The following NFKBIZ variants were observed in gnomAD, a reference collection of about 807,000 sequenced individuals.
The protein encoded by NFKBIZ is NFKB inhibitor zeta, also known as NF-kappa-B inhibitor zeta.
Under a neutral mutation model 76.8 loss-of-function variants are expected in NFKBIZ, and 19 were observed. That is an observed-to-expected ratio of 0.25 (90% CI 0.17 to 0.36). NFKBIZ has a LOEUF of 0.36. Ranked by LOEUF, NFKBIZ falls within the 10% of genes least tolerant of loss-of-function variation. The probability of loss-of-function intolerance (pLI) is 1.00; values close to 1 mark genes in which losing one functional copy is unlikely to be tolerated. For synonymous variants in NFKBIZ, 368 were observed against 354.8 expected, an observed-to-expected ratio of 1.04 and a Z score of -0.42; for missense variants, 829 against 910.9, an observed-to-expected ratio of 0.91 and a Z score of 1.16.
intron 2 of NFKBIZ, among the ~76,000 whole-genome samples, chr3:101,840,630 G>A (rs1942774990): frequency 6.6e-6 from 1 of 152,174 alleles, no homozygotes; most frequent in Admixed American, 6.5e-5. Context: ...ATTTCTGCTG[G>A]GCTAGAAAGA....
At position 101,855,729 on chromosome 3, in the gene NFKBIZ, C is replaced by G; in HGVS notation, c.1655-4C>G. On this transcript the variant is annotated splice_region_variant and splice_polypyrimidine_tract_variant and intron_variant, in intron 8 of 11. Transcript: ENST00000326172. Reference sequence around the variant, plus strand: ...ACCACTGCTTGATTATACTTTTCTTCTAGGCCTGACTCCCCTTCACTGTGC... The same window carrying G: ...ACCACTGCTTGATTATACTTTTCTTGTAGGCCTGACTCCCCTTCACTGTGC... 1 of 1,582,646 alleles carries G rather than the reference C, an allele frequency of 6.3e-7. No homozygotes were observed. Among genetic ancestry groups the G allele is most frequent in the Non-Finnish European group, 8.6e-7 (1 of 1,167,556 alleles).
At chr3:101,848,270 T>C (rs1375000217), upstream of NFKBIZ, among the ~76,000 whole-genome samples, 1 of 152,234 alleles carries the variant, frequency 6.6e-6, no homozygotes, top group Non-Finnish European at 1.5e-5. Flanking sequence ...CAAGTTATCT[T>C]TTATATTTAA....
At chr3:101,838,930 A>G (rs1942756076) in intron 2 of NFKBIZ, among the ~76,000 whole-genome samples, 1 of 152,232 alleles carries the variant, frequency 6.6e-6, no homozygotes, top group Admixed American at 6.5e-5. Context: ...TGTTACATAC[A>G]TTAGAGATAA....
At chr3:101,840,430 G>A (rs1221236142) in intron 2 of NFKBIZ, among the ~76,000 whole-genome samples, 3 of 152,170 alleles carry the variant, frequency 2.0e-5, no homozygotes, top group African/African-American at 7.2e-5. Context: ...ATTAGAAAGT[G>A]TGGTACACAG....
intron 2 of NFKBIZ, among the ~76,000 whole-genome samples, chr3:101,835,577 C>T (rs553307113): frequency 4.8e-4 from 73 of 152,308 alleles, no homozygotes; most frequent in African/African-American, 1.6e-3. Flanking sequence ...CTTCTCACTA[C>T]GTCCTCACAT....
chr3:101,845,835 T>C (rs1388339877), upstream of NFKBIZ, among the ~76,000 whole-genome samples: 1 of 152,234 alleles, frequency 6.6e-6, no homozygotes. Flanking sequence ...GTCACAGAAC[T>C]CTCTGATGTA....
chr3:101,852,641 T>TA (rs1942984526), intron 2 of NFKBIZ, 97 bp from the exon 3 acceptor site: 6 of 766,272 alleles, frequency 7.8e-6, no homozygotes, highest in Non-Finnish European at 1.3e-5. Context: ...AGATTTATGG[T>TA]AAGCTATAAA....
intron 2 of NFKBIZ, among the ~76,000 whole-genome samples, chr3:101,833,804 T>G (rs1158371864): frequency 6.6e-6 from 1 of 152,186 alleles, no homozygotes; most frequent in Admixed American, 6.5e-5. Flanking sequence ...AGAAAGGGAT[T>G]GTTAAACCCA....
chr3:101,839,734 A>G (rs1023338808), intron 2 of NFKBIZ, among the ~76,000 whole-genome samples: 2 of 152,192 alleles, frequency 1.3e-5, no homozygotes, highest in Non-Finnish European at 2.9e-5. Flanking sequence ...AAATTCAACT[A>G]TAAAATATTC....
At chr3:101,854,795 A>G (rs1943024957) in intron 6 of NFKBIZ, 112 bp downstream of exon 6, 2 of 811,018 alleles carry the variant, frequency 2.5e-6, no homozygotes, top group South Asian at 3.6e-5. Context: ...GAGTTTAGTT[A>G]ATATTAACTT....
Position 101,854,567 on chromosome 3 carries a change from A to G in NFKBIZ, c.1338-11A>G, listed in dbSNP as rs758986165. ...AAGTGATTCACCCGCTTTCCTTTCC[A>G]TGTTCCCCAGGTTCCTTCATATTGC... is the stretch of plus-strand genomic sequence containing the variant. On this transcript the variant is annotated splice_polypyrimidine_tract_variant and intron_variant, in intron 5 of 11. Transcript: ENST00000326172. 3.8e-6 allele frequency: 6 copies of G among 1,570,626 alleles called. No individual in the cohort carries two copies. The highest frequency in any genetic ancestry group is 2.7e-5 in the African/African-American group (2 of 73,218).
chr3:101,849,633 T>C lies in NFKBIZ; in HGVS notation c.5T>C (p.Ile2Thr). ...TCGAGCGCCCAGCCTGGGAGCATGA[T>C]TGTGGACAAGCTGCTGGACGACAGC... M[I>T]VDKLLDDSRG... The change falls in exon 1 of 12, where the codon ATT becomes ACT. Residue 2 changes from isoleucine to threonine, a missense_variant. Physicochemically the swap from Ile to Thr is moderately conservative, Grantham distance 89. Coordinates refer to ENST00000326172, the MANE Select transcript of NFKBIZ (RefSeq NM_031419.4). 1 of 1,373,436 alleles carries C rather than the reference T, an allele frequency of 7.3e-7. No individual in the cohort carries two copies. The highest frequency in any genetic ancestry group is 9.3e-7 in the Non-Finnish European group (1 of 1,071,976). The allele number at this position is 1,373,436 out of a possible 1,614,324, so 85.1% of individuals were successfully genotyped here.
In NFKBIZ at chr3:101,854,941, C is replaced by T. The variant is rs149325816; in HGVS notation, c.1444-121C>T. The T allele has an allele frequency of 3.4e-4, 380 of 1,113,484 alleles. No individual in the cohort carries two copies. In the African/African-American group the frequency reaches 5.6e-3, roughly 16 times the overall value. 69.0% of individuals were successfully genotyped at this position (1,113,484 alleles called of 1,614,324 possible). A position where few individuals can be genotyped will look rare whatever the true frequency, so the allele number is the denominator to read the frequency against. On this transcript the variant is annotated intron_variant, in intron 6 of 11. Coordinates refer to ENST00000326172, the MANE Select transcript of NFKBIZ (RefSeq NM_031419.4). Reference sequence around the variant, plus strand: ...TTCCTTGTCTTACAGTATCTGATTGCTTATTCAAAGGATTTATTTTCTCTC... The same window carrying T: ...TTCCTTGTCTTACAGTATCTGATTGTTTATTCAAAGGATTTATTTTCTCTC...
intron 1 of NFKBIZ, chr3:101,850,119 G>T: frequency 2.2e-6 from 1 of 462,058 alleles, no homozygotes. Context: ...CGCGGAACCG[G>T]CTCCCTCCCG....
At chr3:101,852,405 C>G (rs1942978143) in intron 2 of NFKBIZ, among the ~76,000 whole-genome samples, 181 bp downstream of exon 2, 1 of 152,184 alleles carries the variant, frequency 6.6e-6, no homozygotes, top group African/African-American at 2.4e-5. Context: ...AGCCCAGTGC[C>G]AGACACCTGG....
chr3:101,846,216 G>A (rs1169349104), upstream of NFKBIZ, among the ~76,000 whole-genome samples: 1 of 152,114 alleles, frequency 6.6e-6, no homozygotes, highest in African/African-American at 2.4e-5. Flanking sequence ...GCTGGCTGTT[G>A]GCCTCAGTTG....
chr3:101,842,592 C>CTTTTCTTTTCT (rs1553810758), intron 2 of NFKBIZ, among the ~76,000 whole-genome samples: 25 of 130,344 alleles, frequency 1.9e-4, no homozygotes, highest in South Asian at 1.8e-3. Flanking sequence ...CTTTTCTTTT[C>CTTTTCTTTTCT]TTTTTTTTTT....
rs946218337 is a variant in NFKBIZ at position 101,849,938 on chromosome 3, G to A, written c.289+21G>A. On this transcript the variant is annotated intron_variant, in intron 1 of 11. Transcript: ENST00000326172. ...GCCAGGTACCCGCCGGCCCCGCACC[G>A]CTGCGTACTCGGGGCGCGCACGCCT... The A allele has an allele frequency of 6.6e-6, 9 of 1,370,852 alleles. No homozygotes were observed. In the Admixed American group the frequency reaches 1.1e-4, roughly 17 times the overall value. 84.9% of individuals were successfully genotyped at this position (1,370,852 alleles called of 1,614,324 possible).
At position 101,860,049 on chromosome 3, in the gene NFKBIZ, C is replaced by G. The variant is rs1346022447; in HGVS notation, c.*678C>G. 1 of 152,146 alleles carries G rather than the reference C, an allele frequency of 6.6e-6. No homozygotes were observed. The highest frequency in any genetic ancestry group is 1.5e-5 in the Non-Finnish European group (1 of 68,048). The allele number at this position is 152,146 out of a possible 1,614,324, so 9.4% of individuals were successfully genotyped here. ...CTAAGGAGTTTTTATTGTGTAATCA[C>G]TAAGTCTTTGTAGATAAAGCAGATG... On this transcript the variant is annotated 3_prime_UTR_variant, in exon 12 of 12. Coordinates refer to ENST00000326172, the MANE Select transcript of NFKBIZ (RefSeq NM_031419.4).
Sources: gnomAD v4.1 joint callset for allele counts (sites outside exome capture counted in the v4.1 genomes callset) on GRCh38, gnomAD v4.1.1 for gene constraint, MANE v1.5 for transcripts, NCBI Gene and HGNC (gene_info 2026-07-23, HGNC 2026-07-21) for gene names.